The following TRAF5 variants were observed in gnomAD, a reference collection of about 807,000 sequenced individuals.
TRAF5 encodes the protein TNF receptor associated factor 5.
A neutral mutation model predicts 64.5 loss-of-function variants in TRAF5; 48 were observed. That is an observed-to-expected ratio of 0.74 (90% CI 0.59 to 0.95). The LOEUF (loss-of-function observed/expected upper bound fraction) is 0.95, where lower values mean the gene tolerates loss of function less well. Ranked by LOEUF, TRAF5 falls within the 40% of genes least tolerant of loss-of-function variation. TRAF5 has a pLI of 0.00. For missense variants in TRAF5, 545 were observed against 662.8 expected, an observed-to-expected ratio of 0.82 and a Z score of 1.95; for synonymous variants, 206 against 240.5, an observed-to-expected ratio of 0.86 and a Z score of 1.33.
chr1:211,340,234 GGGC>G (rs1047912469), intron 1 of TRAF5, among the ~76,000 whole-genome samples: 1 of 152,090 alleles, frequency 6.6e-6, no homozygotes, highest in Non-Finnish European at 1.5e-5. Flanking sequence ...CAAGCTCGAG[GGGC>G]CCCTGGAGCC....
At chr1:211,338,864 A>G (rs958670993) in intron 1 of TRAF5, among the ~76,000 whole-genome samples, 8 of 152,162 alleles carry the variant, frequency 5.3e-5, no homozygotes, top group Non-Finnish European at 1.5e-5. Flanking sequence ...AGCTCAGACA[A>G]TCCGCCTGCC....
intron 1 of TRAF5, among the ~76,000 whole-genome samples, chr1:211,339,705 G>A (rs576399872): frequency 1.2e-4 from 19 of 152,326 alleles, no homozygotes; most frequent in African/African-American, 4.6e-4. Flanking sequence ...CTGTATGTGG[G>A]CAGGGCACCT....
chr1:211,360,621 A>G, intron 5 of TRAF5, 81 bp from the exon 6 acceptor site: 1 of 1,139,066 alleles, frequency 8.8e-7, no homozygotes, highest in South Asian at 1.3e-5. Flanking sequence ...CGTGACATAT[A>G]ATCCCCAAAG....
chr1:211,353,624 A>C, intron 2 of TRAF5, 167 bp downstream of exon 2: 1 of 669,670 alleles, frequency 1.5e-6, no homozygotes, highest in South Asian at 1.9e-5. Context: ...CCTGAAGAAT[A>C]ATCATTTTTT....
chr1:211,339,326 G>A (rs1346645715), intron 1 of TRAF5, among the ~76,000 whole-genome samples: 2 of 152,170 alleles, frequency 1.3e-5, no homozygotes, highest in Non-Finnish European at 2.9e-5. Context: ...AAACCAAACT[G>A]TGGATCTCCT....
chr1:211,360,393 T>G lies in TRAF5; in HGVS notation c.544-309T>G. 2 of 484,310 alleles carry G rather than the reference T, an allele frequency of 4.1e-6. 1 individual carries two copies. Among genetic ancestry groups the G allele is most frequent in the Non-Finnish European group, 7.3e-6 (2 of 273,808 alleles). The allele number at this position is 484,310 out of a possible 1,614,324, so 30.0% of individuals were successfully genotyped here. ...CTGCAGTGTAGCTGGGGAGGCAGGATGCAGGCATAAAAAGAAAGCATGGGT... is the reference window on the plus strand; with the variant it reads ...CTGCAGTGTAGCTGGGGAGGCAGGAGGCAGGCATAAAAAGAAAGCATGGGT... On this transcript the variant is annotated intron_variant, in intron 5 of 10. Coordinates refer to ENST00000261464, the MANE Select transcript of TRAF5 (RefSeq NM_001033910.3).
At chr1:211,360,411 GCATGGGTACCTTTTA>G in intron 5 of TRAF5, 2 of 492,948 alleles carry the variant, frequency 4.1e-6, no homozygotes, top group Non-Finnish European at 7.2e-6. Context: ...TAAAAAGAAA[GCATGGGTACCTTTTA>G]CATGTCCCGA....
chr1:211,360,131 G>T, intron 5 of TRAF5, 55 bp downstream of exon 5: 1 of 1,528,878 alleles, frequency 6.5e-7, no homozygotes, highest in South Asian at 1.2e-5. Flanking sequence ...ATGCCTGAGT[G>T]GTCACAGTGA....
intron 1 of TRAF5, among the ~76,000 whole-genome samples, chr1:211,350,445 A>G (rs905694709): frequency 6.6e-6 from 1 of 152,114 alleles, no homozygotes; most frequent in Non-Finnish European, 1.5e-5. Context: ...GGAGTACGGA[A>G]AGCCAGGAAA....
chr1:211,365,608 C>G, intron 8 of TRAF5, 140 bp downstream of exon 8: 1 of 648,268 alleles, frequency 1.5e-6, no homozygotes, highest in Non-Finnish European at 2.6e-6. Context: ...AGTGGCCAAA[C>G]AGGCTCATAG....
rs945069831 is a variant in TRAF5 at position 211,326,914 on chromosome 1, G to C, written c.-2+25G>C. 153 of 984,888 alleles carry C rather than the reference G, an allele frequency of 1.6e-4. 1 individual carries two copies. Among genetic ancestry groups the C allele is most frequent in the Non-Finnish European group, 1.8e-4 (146 of 829,340 alleles). The allele number at this position is 984,888 out of a possible 1,614,324, so 61.0% of individuals were successfully genotyped here. A position where few individuals can be genotyped will look rare whatever the true frequency, so the allele number is the denominator to read the frequency against. On this transcript the variant is annotated intron_variant, in intron 1 of 10. Transcript: ENST00000261464. The surrounding 1 kb of genome is among the most constrained non-coding windows in gnomAD (Gnocchi z 5.0). ...CGTGAGTCCGGCGGGTCGCCGCCCTGGGCACCCTCGCGACGGAAGGGCCGG... is the reference window on the plus strand; with the variant it reads ...CGTGAGTCCGGCGGGTCGCCGCCCTCGGCACCCTCGCGACGGAAGGGCCGG...
At chr1:211,363,479 A>G (rs76544503) in intron 7 of TRAF5, among the ~76,000 whole-genome samples, 4,020 of 152,314 alleles carry the variant, frequency 0.026, 147 homozygotes, top group African/African-American at 0.089. Flanking sequence ...AAACTAGGAA[A>G]GTGGGTGTGG....
chr1:211,347,473 C>G (rs373601861), intron 1 of TRAF5, among the ~76,000 whole-genome samples: 6 of 152,302 alleles, frequency 3.9e-5, no homozygotes, highest in South Asian at 4.1e-4. Context: ...GCTTATTTTT[C>G]TACAATGTGT....
chr1:211,364,007 C>T (rs1476286345), intron 7 of TRAF5, among the ~76,000 whole-genome samples: 1 of 150,342 alleles, frequency 6.7e-6, no homozygotes, highest in Middle Eastern at 3.2e-3. Context: ...TATTCTAGAA[C>T]TTGCCTCAGC....
chr1:211,334,872 A>G (rs75138501), intron 1 of TRAF5, among the ~76,000 whole-genome samples: 4,341 of 152,138 alleles, frequency 0.029, 84 homozygotes, highest in South Asian at 0.075. Context: ...TCATAATCTC[A>G]TCTGTCCTGT....
intron 1 of TRAF5, among the ~76,000 whole-genome samples, chr1:211,330,368 G>C (rs1702125381): frequency 6.8e-6 from 1 of 148,014 alleles, no homozygotes; most frequent in African/African-American, 2.5e-5. Flanking sequence ...TTTTTCCATG[G>C]CTTTTTTTTT....
intron 1 of TRAF5, among the ~76,000 whole-genome samples, chr1:211,331,793 G>A (rs1282594631): frequency 1.3e-5 from 2 of 152,014 alleles, no homozygotes; most frequent in Non-Finnish European, 2.9e-5. Context: ...AGCCTCCCAA[G>A]TAGCTGGGAT....
chr1:211,334,378 G>C (rs1318213661), intron 1 of TRAF5, among the ~76,000 whole-genome samples: 4 of 152,210 alleles, frequency 2.6e-5, no homozygotes, highest in Non-Finnish European at 5.9e-5. Context: ...AAACACATTG[G>C]CTGGGCGCGG....
chr1:211,353,185 G>C (rs1702847859), intron 1 of TRAF5, 54 bp from the exon 2 acceptor site: 7 of 1,522,224 alleles, frequency 4.6e-6, no homozygotes, highest in Non-Finnish European at 6.4e-6. Flanking sequence ...GATGGCTGTG[G>C]TTGTTTCAGT....
Sources: allele counts gnomAD v4.1 joint callset (sites outside exome capture counted in the v4.1 genomes callset), GRCh38; gene constraint gnomAD v4.1.1; non-coding constraint Gnocchi (gnomAD v3.1); transcripts MANE v1.5; gene names NCBI Gene and HGNC (gene_info 2026-07-23, HGNC 2026-07-21).